Variants in PEX11G observed in about 807,000 individuals in gnomAD.
The protein encoded by PEX11G is peroxisomal membrane protein 11C.
In PEX11G, 20 loss-of-function variants were observed where a neutral mutation model predicts 22.5. The observed-to-expected ratio is 0.89, with a 90% confidence interval of 0.62 to 1.29. PEX11G has a LOEUF of 1.29. Ranked by LOEUF, PEX11G falls within the 50% of genes most tolerant of loss-of-function variation. The pLI, the probability that PEX11G is intolerant of heterozygous loss-of-function variation, is 0.00. For synonymous variants in PEX11G, 141 were observed against 154.5 expected, an observed-to-expected ratio of 0.91 and a Z score of 0.65; for missense variants, 347 against 331.3, an observed-to-expected ratio of 1.05 and a Z score of -0.37.
chr19:7,488,860 G>C lies in PEX11G; in HGVS notation c.60+91C>G, dbSNP rs2021784135. 6 of 1,354,598 alleles carry C rather than the reference G, an allele frequency of 4.4e-6. No homozygotes were observed. In the Admixed American group the frequency reaches 1.2e-4, roughly 27 times the overall value. The allele number at this position is 1,354,598 out of a possible 1,614,324, so 83.9% of individuals were successfully genotyped here. On this transcript the variant is annotated intron_variant, in intron 1 of 4. Transcript: ENST00000221480. ...CGGGGCCTCTGCGACGGAGTATCCT[G>C]GGCGACCCCGTCCCCTCTCTGGCCC...
Position 7,477,032 on chromosome 19 carries a change from G to T in PEX11G, c.*170C>A, listed in dbSNP as rs1977246193. On this transcript the variant is annotated 3_prime_UTR_variant, in exon 5 of 5. Transcript: ENST00000221480. ...CCCTGAAAACTGTCACGGCTCAGGA[G>T]CTCCAGGCTGAGGCCTGGGGGACCT... 5.8e-6 allele frequency: 3 copies of T among 515,260 alleles called. No homozygotes were observed. The highest frequency in any genetic ancestry group is 8.3e-5 in the Admixed American group (2 of 24,000). The allele number at this position is 515,260 out of a possible 1,614,324, so 31.9% of individuals were successfully genotyped here.
chr19:7,478,734 T>C (rs1323768475), intron 3 of PEX11G, among the ~76,000 whole-genome samples: 4 of 152,228 alleles, frequency 2.6e-5, no homozygotes, highest in Admixed American at 6.5e-5. Context: ...AGGCCCGCAG[T>C]TGGACAGGCG....
chr19:7,482,242 G>A, intron 2 of PEX11G, 31 bp from the exon 3 acceptor site: 1 of 1,534,106 alleles, frequency 6.5e-7, no homozygotes, highest in African/African-American at 1.4e-5. Flanking sequence ...GGGGCCTAGG[G>A]TCAGACTTAC....
intron 1 of PEX11G, among the ~76,000 whole-genome samples, chr19:7,488,198 G>A (rs116400042): frequency 6.6e-6 from 1 of 152,206 alleles, no homozygotes; most frequent in African/African-American, 2.4e-5. Flanking sequence ...AGCCAGGCTG[G>A]GTTGGCAGAG....
chr19:7,476,903 C>G lies in PEX11G; in HGVS notation c.*299G>C. ...AGCACCACAATGTTTAATTGATTCCCGTTCCAGCTTTCTCAAGGCACGACA... is the reference window on the plus strand; with the variant it reads ...AGCACCACAATGTTTAATTGATTCCGGTTCCAGCTTTCTCAAGGCACGACA... On this transcript the variant is annotated 3_prime_UTR_variant, in exon 5 of 5. Coordinates refer to ENST00000221480, the MANE Select transcript of PEX11G (RefSeq NM_080662.4). The G allele has an allele frequency of 2.7e-6, 1 of 366,558 alleles. No homozygotes were observed. The highest frequency in any genetic ancestry group is 4.9e-6 in the Non-Finnish European group (1 of 204,488). The allele number at this position is 366,558 out of a possible 1,614,324, so 22.7% of individuals were successfully genotyped here. A position where few individuals can be genotyped will look rare whatever the true frequency, so the allele number is the denominator to read the frequency against.
At chr19:7,484,792 G>A (rs1230410636) in intron 2 of PEX11G, among the ~76,000 whole-genome samples, 2 of 151,514 alleles carry the variant, frequency 1.3e-5, no homozygotes, top group African/African-American at 2.4e-5. Flanking sequence ...AAAAGAAGCT[G>A]ACCACAGTGG....
At chr19:7,493,419 T>C (rs960014666), upstream of PEX11G, among the ~76,000 whole-genome samples, 5 of 152,026 alleles carry the variant, frequency 3.3e-5, no homozygotes, top group African/African-American at 1.2e-4. Context: ...GGTCTCAAAC[T>C]CCTGGGCTCA....
At chr19:7,486,156 T>A in intron 1 of PEX11G, 130 bp from the exon 2 acceptor site, 1 of 793,144 alleles carries the variant, frequency 1.3e-6, no homozygotes, top group Non-Finnish European at 1.9e-6. Flanking sequence ...TGAAAGAGTC[T>A]CACTCTGTCA....
chr19:7,482,177 A>T lies in PEX11G; in HGVS notation c.284T>A (p.Leu95Gln). ...EDAFVRCVSVLGNLADQLYYP... is the reference protein window; with the variant it reads ...EDAFVRCVSVQGNLADQLYYP... ...GTAGAGCTGGTCAGCCAGGTTCCCT[A>T]GGACGGAGACACAGCGGACAAAGGC... Residue 95 changes from leucine (L) to glutamine (Q), a missense_variant, in exon 3 of 5, where the codon CTA (leucine) becomes CAA (glutamine). Physicochemically the swap from Leu to Gln is moderately radical, Grantham distance 113 (BLOSUM62 -2). Coordinates refer to ENST00000221480, the MANE Select transcript of PEX11G (RefSeq NM_080662.4). 1 of 1,584,512 alleles carries T rather than the reference A, an allele frequency of 6.3e-7. No homozygotes were observed. Among genetic ancestry groups the T allele is most frequent in the East Asian group, 2.3e-5 (1 of 43,230 alleles).
Position 7,482,091 on chromosome 19 carries a change from G to C in PEX11G, c.370C>G (p.Arg124Gly), listed in dbSNP as rs774587572. 3.1e-6 allele frequency: 5 copies of C among 1,605,990 alleles called. No individual in the cohort carries two copies. Reference protein sequence around the residue: ...DARVLHVDSSRWWTLSTTLWA... With the variant: ...DARVLHVDSSGWWTLSTTLWA... ...AGGGTTGTACTCAGCGTCCACCACCGAGAAGAGTCCACGTGGAGGACCCGG... is the reference window on the plus strand; with the variant it reads ...AGGGTTGTACTCAGCGTCCACCACCCAGAAGAGTCCACGTGGAGGACCCGG... The change falls in exon 3 of 5, where the codon CGG (arginine) becomes GGG (glycine). Residue 124 changes from arginine to glycine, a missense_variant. Physicochemically the swap from Arg to Gly is moderately radical, Grantham distance 125. Coordinates refer to ENST00000221480, the MANE Select transcript of PEX11G (RefSeq NM_080662.4).
chr19:7,477,892 C>G (rs1406007797), intron 4 of PEX11G, among the ~76,000 whole-genome samples: 1 of 152,202 alleles, frequency 6.6e-6, no homozygotes, highest in Non-Finnish European at 1.5e-5. Context: ...CGTGCTGGCC[C>G]GTGCCTGTAG....
At chr19:7,482,347 C>A (rs533562945) in intron 2 of PEX11G, 136 bp from the exon 3 acceptor site, 1 of 1,034,972 alleles carries the variant, frequency 9.7e-7, no homozygotes, top group Middle Eastern at 2.7e-4. Context: ...GCAGGCCCCG[C>A]GGGAGAAAGG....
intron 1 of PEX11G, among the ~76,000 whole-genome samples, chr19:7,494,798 T>TGACCGCGGC (rs1279534553): frequency 3.3e-5 from 5 of 152,164 alleles, no homozygotes; most frequent in Non-Finnish European, 7.4e-5. Context: ...GGCCACTCTG[T>TGACCGCGGC]GACCGCGGCA....
chr19:7,476,895 T>C lies in PEX11G; in HGVS notation c.*307A>G, dbSNP rs1977241080. On this transcript the variant is annotated 3_prime_UTR_variant, in exon 5 of 5. Coordinates refer to ENST00000221480, the MANE Select transcript of PEX11G (RefSeq NM_080662.4). ...CAGGCGCCAGCACCACAATGTTTAATTGATTCCCGTTCCAGCTTTCTCAAG... is the reference window on the plus strand; with the variant it reads ...CAGGCGCCAGCACCACAATGTTTAACTGATTCCCGTTCCAGCTTTCTCAAG... 2.9e-6 allele frequency: 1 copy of C among 349,306 alleles called. No homozygotes were observed. Among genetic ancestry groups the C allele is most frequent in the Non-Finnish European group, 5.2e-6 (1 of 193,514 alleles). The allele number at this position is 349,306 out of a possible 1,614,324, so 21.6% of individuals were successfully genotyped here.
At chr19:7,493,953 G>A (rs944559890), upstream of PEX11G, among the ~76,000 whole-genome samples, 2 of 150,644 alleles carry the variant, frequency 1.3e-5, 1 homozygote, top group African/African-American at 4.9e-5. Flanking sequence ...TGTCACCCAG[G>A]CTGGAATACA....
chr19:7,491,149 C>G (rs978030581), upstream of PEX11G: 2 of 152,108 alleles, frequency 1.3e-5, no homozygotes, highest in Non-Finnish European at 2.9e-5. Flanking sequence ...AAGTATGTTT[C>G]CTCCCCTACA....
At chr19:7,487,996 T>TCCAGACTCA (rs2145979091) in intron 1 of PEX11G, among the ~76,000 whole-genome samples, 1 of 152,270 alleles carries the variant, frequency 6.6e-6, no homozygotes, top group Admixed American at 6.5e-5. Context: ...CTCAGGGGCA[T>TCCAGACTCA]GGATGGCATA....
chr19:7,482,352 G>C (rs1977536572), intron 2 of PEX11G, 141 bp from the exon 3 acceptor site: 2 of 991,396 alleles, frequency 2.0e-6, no homozygotes, highest in African/African-American at 3.3e-5. Context: ...CCCCGCGGGA[G>C]AAAGGCTCTG....
At chr19:7,490,559 T>C (rs1042241630), upstream of PEX11G, among the ~76,000 whole-genome samples, 26 of 148,372 alleles carry the variant, frequency 1.8e-4, no homozygotes, top group African/African-American at 6.5e-4. Context: ...CAGGATGGTC[T>C]TGATCTCCTG....
Sources: gnomAD v4.1 joint callset for allele counts (sites outside exome capture counted in the v4.1 genomes callset) on GRCh38, gnomAD v4.1.1 for gene constraint, MANE v1.5 for transcripts, NCBI Gene and HGNC (gene_info 2026-07-23, HGNC 2026-07-21) for gene names.